The following KLF17 variants were observed in gnomAD, a reference collection of about 807,000 sequenced individuals.
The protein encoded by KLF17 is KLF transcription factor 17.
KLF17 carries 31 observed loss-of-function variants against 34.2 expected under a neutral mutation model. That is an observed-to-expected ratio of 0.91 (90% confidence interval 0.68 to 1.22). KLF17 has a LOEUF of 1.22. KLF17 is among the 50% of genes most tolerant of loss of function. KLF17 has a pLI of 0.00. For synonymous variants in KLF17, 179 were observed against 186.7 expected (o/e 0.96, Z 0.34); for missense variants, 478 against 505.2 (o/e 0.95, Z 0.52).
At chr1:44,099,694 G>A in the KLF17 span, among the ~76,000 whole-genome samples, 1 of 151,444 alleles carries the variant, frequency 6.6e-6, no homozygotes, top group East Asian at 2.0e-4. Context: ...CATGCCTGTA[G>A]TCCCAGCTAC....
the KLF17 span, among the ~76,000 whole-genome samples, chr1:44,089,806 A>G: frequency 0.087 from 13,195 of 152,182 alleles, 685 homozygotes; most frequent in South Asian, 0.21. Context: ...TTTTGTCAAC[A>G]CATCAATTAG....
chr1:44,077,336 C>T, the KLF17 span, among the ~76,000 whole-genome samples: 5 of 151,870 alleles, frequency 3.3e-5, no homozygotes, highest in African/African-American at 1.2e-4. Context: ...CAGAGCAAGA[C>T]TCTGTCTCAA....
Position 44,129,466 on chromosome 1 carries a change from A to C in KLF17, c.195A>C (p.Ala65=), listed in dbSNP as rs764902182. 6 of 1,610,312 alleles carry C rather than the reference A, an allele frequency of 3.7e-6. No individual in the cohort carries two copies. The change falls in exon 2 of 4, where the codon GCA becomes GCC. Residue 65 remains alanine (A), a synonymous_variant. Transcript: ENST00000372299. The stretch of plus-strand genomic sequence containing the variant: ...GCATTCAGCACTTTCCTCACAGCGC[A>C]GAGATGCTGGGGTCCCCTTTGGTGT... ...LPSIQHFPHS[A]EMLGSPLVSV...
At chr1:44,048,689 C>T in the KLF17 span, among the ~76,000 whole-genome samples, 1 of 152,080 alleles carries the variant, frequency 6.6e-6, no homozygotes, top group African/African-American at 2.4e-5. Context: ...TTATTATTAA[C>T]CTAAGTTTCT....
chr1:44,083,951 A>G, the KLF17 span, among the ~76,000 whole-genome samples: 4 of 152,342 alleles, frequency 2.6e-5, no homozygotes, highest in Admixed American at 2.0e-4. Flanking sequence ...TCCTCTGATT[A>G]GTCTTCATGT....
the KLF17 span, among the ~76,000 whole-genome samples, chr1:44,072,514 C>T: frequency 6.7e-6 from 1 of 150,292 alleles, no homozygotes; most frequent in Admixed American, 6.6e-5. Context: ...TAGCAAGATC[C>T]TGTCTCTACA....
chr1:44,122,702 A>T lies in KLF17; in HGVS notation c.81+3714A>T, dbSNP rs559568689. Among the ~76,000 whole-genome samples, 31 of 152,192 alleles carry T rather than the reference A, an allele frequency of 2.0e-4. No individual in the cohort carries two copies. In the East Asian group the frequency reaches 4.6e-3, roughly 23 times the overall value. ...AACTTCTGCCTCCCAAATTCAAGCGATTCTCATGCCTCAGCCTCCCGAGTA... is the reference window on the plus strand; with the variant it reads ...AACTTCTGCCTCCCAAATTCAAGCGTTTCTCATGCCTCAGCCTCCCGAGTA... On this transcript the variant is annotated intron_variant, in intron 1 of 3. Transcript: ENST00000372299.
chr1:44,093,338 C>T, the KLF17 span, among the ~76,000 whole-genome samples: 28 of 152,064 alleles, frequency 1.8e-4, no homozygotes, highest in African/African-American at 6.8e-4. Context: ...CTATATACTA[C>T]CCCAGCGGGG....
At chr1:44,055,916 C>A in the KLF17 span, among the ~76,000 whole-genome samples, 15 of 152,200 alleles carry the variant, frequency 9.9e-5, no homozygotes, top group African/African-American at 4.8e-5. Flanking sequence ...ATAGTAGTCC[C>A]AGTCCACCCA....
the KLF17 span, among the ~76,000 whole-genome samples, chr1:44,078,437 C>T: frequency 0.26 from 17,817 of 69,662 alleles, 1,597 homozygotes; most frequent in African/African-American, 0.37. Flanking sequence ...TTTCCTTCTT[C>T]TTTTTTTTTT....
chr1:44,128,387 C>G (rs1009610357), intron 1 of KLF17, among the ~76,000 whole-genome samples: 2 of 152,186 alleles, frequency 1.3e-5, no homozygotes, highest in Non-Finnish European at 2.9e-5. Flanking sequence ...GGCTTCTATC[C>G]TATTTTAAGA....
the KLF17 span, chr1:44,113,737 C>T: frequency 2.6e-5 from 4 of 152,212 alleles, no homozygotes; most frequent in African/African-American, 7.2e-5. Context: ...ATAATCCTTT[C>T]TTTGAATCAC....
At chr1:44,102,643 A>AGAAG in the KLF17 span, among the ~76,000 whole-genome samples, 1 of 151,376 alleles carries the variant, frequency 6.6e-6, no homozygotes, top group Non-Finnish European at 1.5e-5. Context: ...AAAGAAAGAA[A>AGAAG]GTCATAACAC....
chr1:44,129,038 G>A (rs1008455702), intron 1 of KLF17, among the ~76,000 whole-genome samples: 2 of 151,688 alleles, frequency 1.3e-5, no homozygotes, highest in South Asian at 4.2e-4. Context: ...AAAAACTGGA[G>A]TTTGAACATT....
the KLF17 span, chr1:44,061,132 T>C: frequency 6.6e-6 from 1 of 152,188 alleles, no homozygotes; most frequent in African/African-American, 2.4e-5. Flanking sequence ...ATTACAACAG[T>C]TCCAGGTAAA....
chr1:44,123,008 T>A (rs1457881141), intron 1 of KLF17, among the ~76,000 whole-genome samples: 1 of 152,214 alleles, frequency 6.6e-6, no homozygotes, highest in Admixed American at 6.5e-5. Flanking sequence ...TTTGAATTTT[T>A]TTTTCTTTTA....
the KLF17 span, among the ~76,000 whole-genome samples, chr1:44,093,122 T>G: frequency 1.3e-5 from 2 of 152,224 alleles, no homozygotes; most frequent in Non-Finnish European, 2.9e-5. Context: ...TGTCCATGTT[T>G]GCTTTGGAAA....
chr1:44,096,622 G>A, the KLF17 span, among the ~76,000 whole-genome samples: 1 of 151,642 alleles, frequency 6.6e-6, no homozygotes, highest in Non-Finnish European at 1.5e-5. Flanking sequence ...GGAATGTCTC[G>A]ATCTCGTGAC....
the KLF17 span, chr1:44,104,938 T>C: frequency 5.1e-5 from 8 of 156,040 alleles, no homozygotes; most frequent in Non-Finnish European, 1.1e-4. Context: ...AAACCCTGTC[T>C]GCACAAAAAT....
Sources: gnomAD v4.1 joint callset for allele counts (sites outside exome capture counted in the v4.1 genomes callset) on GRCh38, gnomAD v4.1.1 for gene constraint, MANE v1.5 for transcripts, NCBI Gene and HGNC (gene_info 2026-07-23, HGNC 2026-07-21) for gene names.